Variants in YAP1 observed in about 807,000 individuals in gnomAD.
YAP1 encodes Yes1 associated transcriptional regulator, also known as transcriptional coactivator YAP1.
YAP1 carries 5 observed loss-of-function variants against 56.9 expected under a neutral mutation model. That is an observed-to-expected ratio of 0.09 (90% confidence interval 0.05 to 0.18). The LOEUF (loss-of-function observed/expected upper bound fraction) is 0.18, where lower values mean the gene tolerates loss of function less well. Ranked by LOEUF, YAP1 falls within the 10% of genes least tolerant of loss-of-function variation. The pLI is 1.00. For missense variants in YAP1, 539 were observed against 651.8 expected, an observed-to-expected ratio of 0.83 and a Z score of 1.88; for synonymous variants, 265 against 248.1, an observed-to-expected ratio of 1.07 and a Z score of -0.64.
chr11:102,220,735 G>A (rs1389311328), intron 6 of YAP1, among the ~76,000 whole-genome samples: 1 of 152,184 alleles, frequency 6.6e-6, no homozygotes. Flanking sequence ...ATGTGAGAAA[G>A]TAAAATAAGT....
chr11:102,118,551 C>T lies in YAP1; in HGVS notation c.572+4157C>T, dbSNP rs371214454. Among the ~76,000 whole-genome samples the T allele has an allele frequency of 7.3e-5, 11 of 150,460 alleles. No homozygotes were observed. In the East Asian group the frequency reaches 2.0e-3, roughly 27 times the overall value. On this transcript the variant is annotated intron_variant, in intron 2 of 8. Transcript: ENST00000282441. ...CGATCTCAACTCACTGCAACCTCTG[C>T]CTCCTGGGTTCGCGTGATTCTCCTG...
At chr11:102,150,175 G>T (rs1450079402) in intron 2 of YAP1, among the ~76,000 whole-genome samples, 1 of 151,744 alleles carries the variant, frequency 6.6e-6, no homozygotes. Context: ...CTAGAGACGA[G>T]GTTTCACCAT....
chr11:102,179,504 T>C (rs866632590), intron 3 of YAP1, among the ~76,000 whole-genome samples: 2 of 152,182 alleles, frequency 1.3e-5, no homozygotes, highest in Admixed American at 6.5e-5. Context: ...GAACTGCTTA[T>C]TCTGCCCCAT....
At chr11:102,130,505 G>A (rs1944312685) in intron 2 of YAP1, among the ~76,000 whole-genome samples, 1 of 151,662 alleles carries the variant, frequency 6.6e-6, no homozygotes, top group Non-Finnish European at 1.5e-5. Flanking sequence ...CTGGACTTAG[G>A]TGATTCTCCA....
intron 3 of YAP1, among the ~76,000 whole-genome samples, chr11:102,180,252 T>C (rs1947511076): frequency 6.6e-6 from 1 of 151,958 alleles, no homozygotes; most frequent in Non-Finnish European, 1.5e-5. Context: ...CCTGACCTCA[T>C]GATCCTCCCT....
intron 2 of YAP1, among the ~76,000 whole-genome samples, chr11:102,145,656 G>A (rs533440574): frequency 1.2e-4 from 18 of 152,258 alleles, no homozygotes; most frequent in African/African-American, 4.3e-4. Context: ...TATTTGTGAG[G>A]CAGTAAATGT....
chr11:102,180,475 G>C (rs1008326330), intron 3 of YAP1, among the ~76,000 whole-genome samples: 3 of 151,500 alleles, frequency 2.0e-5, no homozygotes, highest in Non-Finnish European at 2.9e-5. Context: ...AAGGTCAGGA[G>C]ATCGAGACCA....
chr11:102,161,343 A>G (rs1591276843), intron 2 of YAP1, among the ~76,000 whole-genome samples: 3 of 95,284 alleles, frequency 3.1e-5, no homozygotes, highest in South Asian at 3.9e-4. Context: ...GTGTACTTTC[A>G]CTACACACAC....
At chr11:102,171,021 C>T (rs1330967113) in intron 3 of YAP1, among the ~76,000 whole-genome samples, 2 of 151,546 alleles carry the variant, frequency 1.3e-5, no homozygotes, top group Non-Finnish European at 2.9e-5. Context: ...TTTCTACCAG[C>T]TCTCTTAATA....
intron 2 of YAP1, among the ~76,000 whole-genome samples, chr11:102,130,744 T>TTA (rs1944327853): frequency 6.9e-6 from 1 of 144,526 alleles, no homozygotes; most frequent in Non-Finnish European, 1.5e-5. Flanking sequence ...TTTTTTTTTT[T>TTA]AAGATTTAAA....
chr11:102,159,226 A>T (rs1362058650), intron 2 of YAP1, among the ~76,000 whole-genome samples: 3 of 152,032 alleles, frequency 2.0e-5, no homozygotes, highest in African/African-American at 7.2e-5. Context: ...GTTTATTGAC[A>T]GGTTGTGGTG....
At chr11:102,142,681 A>T (rs1426392) in intron 2 of YAP1, among the ~76,000 whole-genome samples, 59,115 of 152,070 alleles carry the variant, frequency 0.39, 11,805 homozygotes, top group African/African-American at 0.47. Flanking sequence ...GTCACTTTCC[A>T]TAGCTTTCAG....
chr11:102,147,785 G>A (rs560985411), intron 2 of YAP1, among the ~76,000 whole-genome samples: 3 of 152,096 alleles, frequency 2.0e-5, no homozygotes, highest in African/African-American at 7.2e-5. Context: ...TTTTGCTTAC[G>A]TATTTTAGTT....
At chr11:102,222,844 C>A (rs1467418522) in intron 6 of YAP1, among the ~76,000 whole-genome samples, 1 of 150,194 alleles carries the variant, frequency 6.7e-6, no homozygotes, top group Admixed American at 6.7e-5. Flanking sequence ...GTAAAATCAT[C>A]AGATGCTATT....
chr11:102,156,380 G>A (rs933874738), intron 2 of YAP1, among the ~76,000 whole-genome samples: 4 of 152,162 alleles, frequency 2.6e-5, no homozygotes, highest in South Asian at 2.1e-4. Context: ...AAATACCCAG[G>A]TGCTAATAAG....
intron 4 of YAP1, among the ~76,000 whole-genome samples, chr11:102,187,286 G>A (rs1286530214): frequency 6.6e-6 from 1 of 152,140 alleles, no homozygotes; most frequent in Non-Finnish European, 1.5e-5. Flanking sequence ...TCAATGGCAG[G>A]ATCAGGGCAG....
At chr11:102,185,876 TCTC>T (rs1453377481) in intron 3 of YAP1, 139 bp from the exon 4 acceptor site, 1 of 801,536 alleles carries the variant, frequency 1.2e-6, no homozygotes, top group Non-Finnish European at 1.9e-6. Context: ...TTACCTTTCT[TCTC>T]TGAACACAGC....
chr11:102,149,425 C>CA (rs373947773), intron 2 of YAP1, among the ~76,000 whole-genome samples: 1 of 152,196 alleles, frequency 6.6e-6, no homozygotes, highest in East Asian at 1.9e-4. Context: ...ATAAAGGGTT[C>CA]AAAATGAATG....
intron 5 of YAP1, among the ~76,000 whole-genome samples, chr11:102,208,490 C>G (rs1949232817): frequency 6.6e-6 from 1 of 151,998 alleles, no homozygotes; most frequent in South Asian, 2.1e-4. Flanking sequence ...GTTTCTTTAT[C>G]TGACATAAAA....
Sources: gnomAD v4.1 joint callset for allele counts (sites outside exome capture counted in the v4.1 genomes callset) on GRCh38, gnomAD v4.1.1 for gene constraint, MANE v1.5 for transcripts, NCBI Gene and HGNC (gene_info 2026-07-23, HGNC 2026-07-21) for gene names.